CEP128: variants seen among roughly 807,000 people sequenced by gnomAD.
CEP128 encodes centrosomal protein 128.
In CEP128, 132 loss-of-function variants were observed where a neutral mutation model predicts 156.7. The observed-to-expected ratio is 0.84, with a 90% CI of 0.73 to 0.97. The LOEUF is 0.97. CEP128 is among the 50% of genes least tolerant of loss of function. The probability of loss-of-function intolerance (pLI) is 0.00; values close to 1 mark genes in which losing one functional copy is unlikely to be tolerated. For synonymous variants in CEP128, 469 were observed against 448.9 expected, an observed-to-expected ratio of 1.04 and a Z score of -0.57; for missense variants, 1,252 against 1,281.9, an observed-to-expected ratio of 0.98 and a Z score of 0.36.
downstream of CEP128, among the ~76,000 whole-genome samples, chr14:80,495,047 G>T (rs1035334830): frequency 2.6e-5 from 4 of 152,124 alleles, no homozygotes; most frequent in African/African-American, 9.7e-5. Context: ...GAGAAAGATG[G>T]CCAGAAGAAT....
At chr14:80,618,725 C>T (rs2140639650) in intron 19 of CEP128, among the ~76,000 whole-genome samples, 1 of 152,252 alleles carries the variant, frequency 6.6e-6, no homozygotes, top group South Asian at 2.1e-4. Flanking sequence ...AACTGAGATT[C>T]CTATATGAAG....
intron 19 of CEP128, among the ~76,000 whole-genome samples, chr14:80,731,435 C>T (rs1898266616): frequency 6.6e-6 from 1 of 152,148 alleles, no homozygotes. Flanking sequence ...TTACCAAACC[C>T]TCAAGAAATA....
At chr14:80,876,034 A>C (rs2139286811) in intron 8 of CEP128, among the ~76,000 whole-genome samples, 1 of 152,266 alleles carries the variant, frequency 6.6e-6, no homozygotes, top group East Asian at 1.9e-4. Context: ...AGAAGAAAGA[A>C]TTAAAACTGA....
chr14:80,790,427 C>T (rs1457489649), intron 14 of CEP128, among the ~76,000 whole-genome samples: 6 of 152,000 alleles, frequency 3.9e-5, no homozygotes, highest in African/African-American at 2.4e-5. Flanking sequence ...AGCAAAAATA[C>T]CACAACTTAC....
At chr14:80,952,790 A>G (rs937534532) in intron 2 of CEP128, among the ~76,000 whole-genome samples, 1 of 152,152 alleles carries the variant, frequency 6.6e-6, no homozygotes, top group Non-Finnish European at 1.5e-5. Flanking sequence ...GAAGATACAA[A>G]TTATCAATAT....
upstream of CEP128, among the ~76,000 whole-genome samples, chr14:80,943,560 C>T (rs1314261523): frequency 6.6e-6 from 1 of 152,200 alleles, no homozygotes; most frequent in East Asian, 1.9e-4. Context: ...TTACAGGACA[C>T]AACTGGGACC....
upstream of CEP128, among the ~76,000 whole-genome samples, chr14:80,945,307 C>A (rs1463675378): frequency 6.6e-6 from 1 of 152,154 alleles, no homozygotes; most frequent in African/African-American, 2.4e-5. Flanking sequence ...CTAATTTAAA[C>A]TTAACTACCT....
intron 8 of CEP128, among the ~76,000 whole-genome samples, chr14:80,882,441 A>G (rs1888597583): frequency 6.6e-6 from 1 of 152,142 alleles, no homozygotes; most frequent in African/African-American, 2.4e-5. Flanking sequence ...AGGGTATGGA[A>G]AAAAAGAGAA....
At chr14:80,659,202 G>A (rs1895295563) in intron 19 of CEP128, among the ~76,000 whole-genome samples, 1 of 152,128 alleles carries the variant, frequency 6.6e-6, no homozygotes, top group African/African-American at 2.4e-5. Flanking sequence ...TCATAGTTCA[G>A]TTGGAGAAGA....
chr14:80,836,482 T>C (rs761045514), intron 11 of CEP128, 145 bp from the exon 12 acceptor site: 52 of 778,114 alleles, frequency 6.7e-5, no homozygotes, highest in Non-Finnish European at 1.0e-4. Context: ...TCCTCATTCC[T>C]CTCATCTCTT....
intron 8 of CEP128, among the ~76,000 whole-genome samples, chr14:80,882,428 G>T (rs11847064): frequency 6.6e-6 from 1 of 152,170 alleles, no homozygotes; most frequent in Admixed American, 6.5e-5. Context: ...ACAAATGCTG[G>T]TGAGGGTATG....
intron 22 of CEP128, among the ~76,000 whole-genome samples, chr14:80,529,793 C>T (rs1889143317): frequency 1.3e-5 from 2 of 152,180 alleles, no homozygotes; most frequent in East Asian, 1.9e-4. Flanking sequence ...AAATCAAACA[C>T]TTGGTTTTGT....
intron 21 of CEP128, among the ~76,000 whole-genome samples, chr14:80,534,947 G>T (rs1453140427): frequency 6.6e-6 from 1 of 151,996 alleles, no homozygotes; most frequent in Non-Finnish European, 1.5e-5. Context: ...TTACAAAGGG[G>T]TTTAAAATTA....
chr14:80,862,971 A>C (rs1887593165), intron 8 of CEP128, 98 bp from the exon 9 acceptor site: 4 of 745,514 alleles, frequency 5.4e-6, no homozygotes, highest in Non-Finnish European at 8.9e-6. Context: ...CTACTGCTTA[A>C]AGCATTTAAG....
At position 80,766,045 on chromosome 14, in the gene CEP128, T is replaced by C. The variant is rs1900222440; in HGVS notation, c.2377-4432A>G. 1.3e-5 allele frequency among the ~76,000 whole-genome samples: 2 copies of C among 152,154 alleles called. 1 individual carries two copies. The highest frequency in any genetic ancestry group is 4.1e-4 in the South Asian group (2 of 4,824). On this transcript the variant is annotated intron_variant, in intron 16 of 24. Transcript: ENST00000555265. ...ATCATAAATGAAAATATATGACATA[T>C]TGACATATTCAGAATAGACCACAAA...
chr14:80,792,212 A>G (rs1901744212), intron 14 of CEP128, among the ~76,000 whole-genome samples: 1 of 152,222 alleles, frequency 6.6e-6, no homozygotes, highest in African/African-American at 2.4e-5. Flanking sequence ...GCATAAAAGC[A>G]AAGTCTTGAA....
At chr14:80,911,947 G>C (rs892515466) in intron 4 of CEP128, among the ~76,000 whole-genome samples, 1 of 152,146 alleles carries the variant, frequency 6.6e-6, no homozygotes, top group South Asian at 2.1e-4. Flanking sequence ...GGCAGGGCAC[G>C]GTGGCTCGTG....
intron 19 of CEP128, among the ~76,000 whole-genome samples, chr14:80,685,879 T>C (rs1896505201): frequency 6.6e-6 from 1 of 152,114 alleles, no homozygotes; most frequent in Non-Finnish European, 1.5e-5. Context: ...ATTCAATAAA[T>C]GATGCTGGAA....
upstream of CEP128, among the ~76,000 whole-genome samples, chr14:80,944,822 C>CAAAAAAAAAAAAAAAAAAAAAAAA (rs55662141): frequency 2.3e-4 from 8 of 34,658 alleles, no homozygotes; most frequent in East Asian, 1.2e-3. Flanking sequence ...GAGTCTGTCT[C>CAAAAAAAAAAAAAAAAAAAAAAAA]AAAAAAAAAA....
Sources: gnomAD v4.1 joint callset for allele counts (sites outside exome capture counted in the v4.1 genomes callset) on GRCh38, gnomAD v4.1.1 for gene constraint, MANE v1.5 for transcripts, NCBI Gene and HGNC (gene_info 2026-07-23, HGNC 2026-07-21) for gene names.